Variants in CARMIL1 observed in about 807,000 individuals in gnomAD.
CARMIL1 encodes the protein F-actin-uncapping protein LRRC16A.
A neutral mutation model predicts 177.1 loss-of-function variants in CARMIL1; 90 were observed. The observed-to-expected ratio is 0.51, with a 90% CI of 0.43 to 0.61. The LOEUF is 0.61. Among genes scored for constraint, CARMIL1 ranks in the 20% least tolerant of loss-of-function variants. The pLI, the probability that CARMIL1 is intolerant of heterozygous loss-of-function variation, is 0.00. For synonymous variants in CARMIL1, 577 were observed against 606.2 expected (o/e 0.95, Z 0.71); for missense variants, 1,380 against 1,667.0 (o/e 0.83, Z 3.00).
intron 17 of CARMIL1, among the ~76,000 whole-genome samples, chr6:25,506,050 TG>T (rs1804877739): frequency 6.6e-6 from 1 of 152,216 alleles, no homozygotes; most frequent in Non-Finnish European, 1.5e-5. Flanking sequence ...TAATGAGTTT[TG>T]CAGCAATTGA....
At chr6:25,459,220 T>C (rs1005535065) in intron 8 of CARMIL1, among the ~76,000 whole-genome samples, 2 of 70,646 alleles carry the variant, frequency 2.8e-5, no homozygotes, top group East Asian at 4.6e-4. Context: ...TTTTCTTTCT[T>C]TCTTTCTTTC....
chr6:25,458,345 G>A lies in CARMIL1; in HGVS notation c.615-7528G>A, dbSNP rs577628133. 4.6e-5 allele frequency among the ~76,000 whole-genome samples: 7 copies of A among 152,112 alleles called. 1 individual carries two copies. The South Asian group carries it at 1.5e-3, about 32-fold the overall frequency. On this transcript the variant is annotated intron_variant, in intron 8 of 36. Transcript: ENST00000329474. ...CCACTAAAAATACAAAAAATTAGCT[G>A]GGCGTGGTGGCACGTCGCCTGTAGC...
chr6:25,337,089 G>A (rs1786324809), intron 2 of CARMIL1, among the ~76,000 whole-genome samples: 1 of 152,218 alleles, frequency 6.6e-6, no homozygotes, highest in Admixed American at 6.5e-5. Flanking sequence ...TTATGTTGGA[G>A]TATGATGTCA....
intron 2 of CARMIL1, among the ~76,000 whole-genome samples, chr6:25,390,320 A>ATATATATATATATATATATATATTTT (rs1554184839): frequency 1.7e-5 from 1 of 58,104 alleles, no homozygotes; most frequent in Non-Finnish European, 3.3e-5. Flanking sequence ...ATATATATAT[A>ATATATATATATATATATATATATTTT]TTTTTTTTTT....
In CARMIL1 at chr6:25,450,453, G is replaced by C. The variant is rs764188479; in HGVS notation, c.540+44G>C. On this transcript the variant is annotated intron_variant, in intron 7 of 36. Transcript: ENST00000329474. ...ATGTGCATGAGCACACACACTCCTG[G>C]AGAATATTCTAATGTTTGGCTGGCT... 3 of 1,474,846 alleles carry C rather than the reference G, an allele frequency of 2.0e-6. No individual in the cohort carries two copies. The South Asian group carries it at 3.5e-5, about 17-fold the overall frequency. 91.4% of individuals were successfully genotyped at this position (1,474,846 alleles called of 1,614,324 possible). A position where few individuals can be genotyped will look rare whatever the true frequency, so the allele number is the denominator to read the frequency against.
In CARMIL1 at chr6:25,284,879, TAAGG is replaced by T. The variant is rs1781415870; in HGVS notation, c.109_112del (p.Lys37GlufsTer19). On this transcript the variant is annotated frameshift_variant, in exon 2 of 37. Transcript: ENST00000329474. LOFTEE classifies it high-confidence loss of function. Reference sequence around the variant, plus strand: ...TGAAGAAGAAAGTAAAGTTGGAAGTTAAGGGAGACAAAGTTGAAAACAAAGTGCT... The same window carrying T: ...TGAAGAAGAAAGTAAAGTTGGAAGTTGAGACAAAGTTGAAAACAAAGTGCT... 1 of 1,570,924 alleles carries T rather than the reference TAAGG, an allele frequency of 6.4e-7. No individual in the cohort carries two copies.
chr6:25,505,698 C>T (rs1223085304), intron 17 of CARMIL1, among the ~76,000 whole-genome samples: 2 of 152,184 alleles, frequency 1.3e-5, no homozygotes, highest in East Asian at 1.9e-4. Flanking sequence ...AGTAATCCAC[C>T]TACCTCGGCC....
In CARMIL1 at chr6:25,538,718, C is replaced by T. The variant is rs1330716620; in HGVS notation, c.2196+735C>T. 2.6e-5 allele frequency among the ~76,000 whole-genome samples: 4 copies of T among 152,292 alleles called. No homozygotes were observed. In the East Asian group the frequency reaches 5.8e-4, roughly 22 times the overall value. ...TATTAATAAAAAGCCCCTCTCATCA[C>T]ACCAGAGTTTATCCTAATGAGGTGA... On this transcript the variant is annotated intron_variant, in intron 25 of 36. Transcript: ENST00000329474.
rs544503109 is a variant in CARMIL1 at position 25,285,696 on chromosome 6, A to G, written c.138+787A>G. On this transcript the variant is annotated intron_variant, in intron 2 of 36. Transcript: ENST00000329474. ...ATATTTTCAAACATATGCAAAAAGC[A>G]GATAATAGTATATCGAACTCTGTGT... 2.6e-4 allele frequency among the ~76,000 whole-genome samples: 39 copies of G among 152,348 alleles called. No homozygotes were observed. The South Asian group carries it at 5.6e-3, about 22-fold the overall frequency.
chr6:25,556,753 A>G lies in CARMIL1; in HGVS notation c.2645A>G (p.Glu882Gly). ...GKTLPQQESL[E>G]IELAEEKPVK... ...ACCCTTCCTCAACAAGAATCCTTAG[A>G]GATCGAGCTGGCTGAGGAGAAGCCA... Residue 882 changes from glutamate (E) to glycine (G), a missense_variant, in exon 29 of 37, where the codon GAG (glutamate) becomes GGG (glycine). By Grantham distance (98) the Glu-to-Gly change is moderately conservative. Transcript: ENST00000329474. 6.2e-7 allele frequency: 1 copy of G among 1,613,556 alleles called. No individual in the cohort carries two copies. Among genetic ancestry groups the G allele is most frequent in the South Asian group, 1.1e-5 (1 of 91,072 alleles).
intron 2 of CARMIL1, among the ~76,000 whole-genome samples, chr6:25,332,739 G>GCTTA (rs1785756093): frequency 1.8e-5 from 1 of 56,940 alleles, no homozygotes; most frequent in East Asian, 4.3e-4. Flanking sequence ...ATGCAAACAT[G>GCTTA]CATACACACA....
chr6:25,555,813 A>G (rs547938845), intron 28 of CARMIL1, among the ~76,000 whole-genome samples: 68 of 152,264 alleles, frequency 4.5e-4, no homozygotes, highest in Non-Finnish European at 7.5e-4. Context: ...ATACTAACAG[A>G]AATCTTCATG....
chr6:25,575,857 T>C (rs1301619411), intron 29 of CARMIL1, among the ~76,000 whole-genome samples: 1 of 152,184 alleles, frequency 6.6e-6, no homozygotes, highest in Non-Finnish European at 1.5e-5. Flanking sequence ...CTGCCTTTAC[T>C]TTAAAGAGAC....
chr6:25,494,792 T>C (rs1389128986), intron 15 of CARMIL1, among the ~76,000 whole-genome samples: 1 of 152,226 alleles, frequency 6.6e-6, no homozygotes. Context: ...GTGAGAAATA[T>C]ACATCTTCTC....
chr6:25,424,535 C>A (rs1796130540), intron 3 of CARMIL1, among the ~76,000 whole-genome samples: 1 of 152,176 alleles, frequency 6.6e-6, no homozygotes, highest in African/African-American at 2.4e-5. Context: ...CACCTGCTAC[C>A]ACCCACTGAA....
intron 27 of CARMIL1, 28 bp from the exon 28 acceptor site, chr6:25,553,981 G>C: frequency 1.4e-6 from 2 of 1,444,520 alleles, no homozygotes; most frequent in Non-Finnish European, 1.9e-6. Flanking sequence ...AATTAAAATG[G>C]TACTCTGTCC....
rs143787353 is a variant in CARMIL1 at position 25,442,541 on chromosome 6, C to G, written c.371+6937C>G. On this transcript the variant is annotated intron_variant, in intron 5 of 36. Coordinates refer to ENST00000329474, the MANE Select transcript of CARMIL1 (RefSeq NM_017640.6). ...ATACACTGATGGGGCTCCTTGCTCT[C>G]ATTTCACTACAGGCGGAAAACAACT... 3.6e-3 allele frequency among the ~76,000 whole-genome samples: 554 copies of G among 151,984 alleles called. 3 individuals are homozygous for G. Among genetic ancestry groups the G allele is most frequent in the African/African-American group, 0.013 (524 of 41,424 alleles).
At chr6:25,454,610 CTAAA>C (rs748782623) in intron 8 of CARMIL1, among the ~76,000 whole-genome samples, 2 of 151,974 alleles carry the variant, frequency 1.3e-5, no homozygotes, top group Non-Finnish European at 2.9e-5. Flanking sequence ...AATGCAATAA[CTAAA>C]TATTAAAAAA....
At chr6:25,363,651 T>C (rs887286147) in intron 2 of CARMIL1, among the ~76,000 whole-genome samples, 2 of 152,204 alleles carry the variant, frequency 1.3e-5, no homozygotes, top group Admixed American at 6.5e-5. Flanking sequence ...TTCTGCTTTT[T>C]AGGTGAGAGG....
Sources: gnomAD v4.1 joint callset for allele counts (sites outside exome capture counted in the v4.1 genomes callset) on GRCh38, gnomAD v4.1.1 for gene constraint, MANE v1.5 for transcripts, NCBI Gene and HGNC (gene_info 2026-07-23, HGNC 2026-07-21) for gene names.